Variants in CENATAC observed in about 807,000 individuals in gnomAD.
CENATAC encodes centrosomal AT-AC splicing factor.
In CENATAC, 53 loss-of-function variants were observed where a neutral mutation model predicts 53.7. The ratio of observed to expected loss-of-function variants is 0.99; its 90% CI spans 0.79 to 1.24. The LOEUF (loss-of-function observed/expected upper bound fraction) is 1.24. CENATAC is among the 50% of genes most tolerant of loss of function. CENATAC has a pLI of 0.00. For missense variants in CENATAC, 474 were observed against 417.8 expected (o/e 1.13, Z -1.17); for synonymous variants, 156 against 144.6 (o/e 1.08, Z -0.57).
intron 3 of CENATAC, chr11:119,003,076 T>G (rs1942393221): frequency 5.7e-6 from 3 of 527,798 alleles, no homozygotes; most frequent in Admixed American, 3.9e-5. Context: ...TCGAACATGT[T>G]CCTTCTCTCC....
chr11:119,006,860 T>G (rs1461137866), intron 3 of CENATAC, among the ~76,000 whole-genome samples: 2 of 152,230 alleles, frequency 1.3e-5, no homozygotes, highest in African/African-American at 2.4e-5. Context: ...TCTCACATGA[T>G]CTGATGATTT....
At chr11:118,999,461 TTTATC>T (rs1305349944) in intron 3 of CENATAC, among the ~76,000 whole-genome samples, 1 of 152,080 alleles carries the variant, frequency 6.6e-6, no homozygotes, top group African/African-American at 2.4e-5. Flanking sequence ...TCTATTTTAT[TTTATC>T]TTTTCTTTTG....
intron 8 of CENATAC, 169 bp from the exon 9 acceptor site, chr11:119,014,825 G>A (rs782573599): frequency 2.0e-6 from 1 of 508,012 alleles, no homozygotes; most frequent in Non-Finnish European, 3.5e-6. Flanking sequence ...CACATATGGG[G>A]TATGTCGCTT....
intron 3 of CENATAC, among the ~76,000 whole-genome samples, chr11:119,008,443 T>C (rs147822941): frequency 1.8e-4 from 28 of 152,212 alleles, no homozygotes; most frequent in African/African-American, 5.8e-4. Flanking sequence ...GCCAGACTTA[T>C]GTTTCTCTCC....
At chr11:119,011,505 G>A (rs956541795) in intron 5 of CENATAC, among the ~76,000 whole-genome samples, 6 of 152,046 alleles carry the variant, frequency 3.9e-5, no homozygotes, top group African/African-American at 1.2e-4. Flanking sequence ...TCAGGCTCCC[G>A]AGTAGCTGGG....
rs61380115 is a variant in CENATAC at position 119,005,481 on chromosome 11, T to A, written c.384-5283T>A. Among the ~76,000 whole-genome samples the A allele has an allele frequency of 8.8e-3, 1,233 of 139,750 alleles. 13 individuals are homozygous for A. Among genetic ancestry groups the A allele is most frequent in the African/African-American group, 0.033 (1,153 of 34,608 alleles). The allele number at this position is 139,750 out of a possible 152,430, so 91.7% of individuals were successfully genotyped here. On this transcript the variant is annotated intron_variant, in intron 3 of 10. Transcript: ENST00000334418. ...GACCCCGTCTCAAAAAAAAAAAAAA[T>A]TTTTTTTTTTTACAATTCCACATTG...
At chr11:118,999,661 C>A (rs1430668548) in intron 3 of CENATAC, among the ~76,000 whole-genome samples, 2 of 150,282 alleles carry the variant, frequency 1.3e-5, no homozygotes, top group African/African-American at 2.5e-5. Context: ...TTTTCTTTTT[C>A]TTTTTATTTT....
Position 119,012,160 on chromosome 11 carries a change from C to G in CENATAC, c.590C>G (p.Ser197Cys), listed in dbSNP as rs1565668906. 1 of 1,614,192 alleles carries G rather than the reference C, an allele frequency of 6.2e-7. No homozygotes were observed. The highest frequency in any genetic ancestry group is 1.1e-5 in the South Asian group (1 of 91,080). The change falls in exon 7 of 11, where the codon TCC becomes TGC. Residue 197 changes from serine to cysteine, a missense_variant. Transcript: ENST00000334418. ...SWKGMNSQVA[S>C]SLQQPSNLDL... The stretch of plus-strand genomic sequence containing the variant: ...CTCATGTTTTTCAGCCAAGTAGCTT[C>G]CAGCTTACAGCAGCCCTCAAATTTG...
chr11:119,009,432 GATTT>G (rs1356506162), intron 3 of CENATAC: 1 of 149,032 alleles, frequency 6.7e-6, no homozygotes, highest in Non-Finnish European at 1.5e-5. Context: ...TGGCTTAAAT[GATTT>G]TTTAAAACTA....
chr11:118,998,583 C>A lies in CENATAC; in HGVS notation c.274C>A (p.His92Asn). Residue 92 changes from histidine to asparagine, a missense_variant, in exon 2 of 11, where the codon CAT becomes AAT. By Grantham distance (68) the His-to-Asn change is moderately conservative. Coordinates refer to ENST00000334418, the MANE Select transcript of CENATAC (RefSeq NM_198489.3). ...LTVLYGGLLE[H>N]LASPEHKKAT... is the part of the protein sequence containing the mutation. The stretch of plus-strand genomic sequence containing the variant: ...GGTGCTGTACGGGGGGCTGCTGGAG[C>A]ATCTGGCCAGGTGAGAGCCGAGCTA... The A allele has an allele frequency of 6.4e-7, 1 of 1,564,030 alleles. No individual in the cohort carries two copies. Among genetic ancestry groups the A allele is most frequent in the Non-Finnish European group, 8.7e-7 (1 of 1,153,550 alleles).
At chr11:119,010,660 C>T in intron 3 of CENATAC, 104 bp from the exon 4 acceptor site, 1 of 1,009,956 alleles carries the variant, frequency 9.9e-7, no homozygotes. Flanking sequence ...TGTTTTGTTT[C>T]TGAATTTGGA....
At chr11:119,003,621 CTTTTTT>C in intron 3 of CENATAC, 6 of 128,460 alleles carry the variant, frequency 4.7e-5, no homozygotes, top group South Asian at 1.6e-4. Flanking sequence ...ATTTCTCTCT[CTTTTTT>C]TTTTTTTTTT....
chr11:119,007,423 C>G (rs1019103463), intron 3 of CENATAC, among the ~76,000 whole-genome samples: 1 of 152,032 alleles, frequency 6.6e-6, no homozygotes, highest in Admixed American at 6.6e-5. Flanking sequence ...ACCTCATGAT[C>G]CGCCCACCTC....
At chr11:119,002,706 C>CAGTATA (rs1286289050) in intron 3 of CENATAC, among the ~76,000 whole-genome samples, 1 of 145,926 alleles carries the variant, frequency 6.9e-6, no homozygotes, top group Non-Finnish European at 1.5e-5. Context: ...TCTGATGGTA[C>CAGTATA]ATTTGGGAAT....
chr11:119,000,527 T>C (rs1942239988), intron 3 of CENATAC, among the ~76,000 whole-genome samples: 1 of 151,324 alleles, frequency 6.6e-6, no homozygotes, highest in Non-Finnish European at 1.5e-5. Context: ...TGTCCAGGCA[T>C]GGTGGCTCAT....
chr11:119,003,335 ATCT>A (rs997702262), intron 3 of CENATAC: 22 of 534,062 alleles, frequency 4.1e-5, no homozygotes, highest in Non-Finnish European at 6.3e-5. Flanking sequence ...TGATACGCGG[ATCT>A]TCTTTTTTTT....
At chr11:119,011,650 C>G (rs1942878783) in intron 5 of CENATAC, among the ~76,000 whole-genome samples, 1 of 152,202 alleles carries the variant, frequency 6.6e-6, no homozygotes. Context: ...GAATTACAAG[C>G]ATGAGCCACT....
intron 3 of CENATAC, among the ~76,000 whole-genome samples, chr11:119,006,345 C>T: frequency 0.012 from 1 of 82 alleles, no homozygotes; most frequent in East Asian, 0.17. Flanking sequence ...ACGCCATTCT[C>T]CTGCCTCAGC....
In CENATAC at chr11:119,012,020, A is replaced by C; in HGVS notation, c.578+17A>C. The C allele has an allele frequency of 6.2e-7, 1 of 1,613,830 alleles. No homozygotes were observed. The highest frequency in any genetic ancestry group is 8.5e-7 in the Non-Finnish European group (1 of 1,179,776). Reference sequence around the variant, plus strand: ...GATGAACAGGTAAGACTATTAGGGAATCTCTTGTTGGGAATTTGACATCTT... The same window carrying C: ...GATGAACAGGTAAGACTATTAGGGACTCTCTTGTTGGGAATTTGACATCTT... On this transcript the variant is annotated intron_variant, in intron 6 of 10. Coordinates refer to ENST00000334418, the MANE Select transcript of CENATAC (RefSeq NM_198489.3).
Sources: gnomAD v4.1 joint callset for allele counts (sites outside exome capture counted in the v4.1 genomes callset) on GRCh38, gnomAD v4.1.1 for gene constraint, MANE v1.5 for transcripts, NCBI Gene and HGNC (gene_info 2026-07-23, HGNC 2026-07-21) for gene names.